The following SSH2 variants were observed in gnomAD, a reference collection of about 807,000 sequenced individuals.
SSH2 encodes the protein protein phosphatase Slingshot homolog 2.
Under a neutral mutation model 135.2 loss-of-function variants are expected in SSH2, and 37 were observed. The ratio of observed to expected loss-of-function variants is 0.27; its 90% confidence interval spans 0.21 to 0.36. The LOEUF is 0.36. Ranked by LOEUF, SSH2 falls within the 10% of genes least tolerant of loss-of-function variation. The pLI is 1.00. For missense variants in SSH2, 1,408 were observed against 1,765.3 expected (o/e 0.80, Z 3.63); for synonymous variants, 628 against 646.2 (o/e 0.97, Z 0.43).
At chr17:29,635,182 G>A (rs975578493) in intron 15 of SSH2, among the ~76,000 whole-genome samples, 10 of 152,116 alleles carry the variant, frequency 6.6e-5, no homozygotes, top group East Asian at 3.9e-4. Flanking sequence ...GATTACAGGC[G>A]TGAGCCACCG....
At chr17:29,648,408 G>A in intron 13 of SSH2, 64 bp from the exon 14 acceptor site, 1 of 1,397,330 alleles carries the variant, frequency 7.2e-7, no homozygotes, top group Non-Finnish European at 9.6e-7. Flanking sequence ...TTTAAAAGTT[G>A]GTTTCTAGAT....
intron 3 of SSH2, among the ~76,000 whole-genome samples, chr17:29,755,068 C>CA (rs2041069855): frequency 6.6e-6 from 1 of 152,218 alleles, no homozygotes; most frequent in Admixed American, 6.5e-5. Context: ...ATAATGATAA[C>CA]ACTAACACCT....
intron 1 of SSH2, among the ~76,000 whole-genome samples, chr17:29,927,821 TA>T (rs1474396599): frequency 1.3e-5 from 2 of 152,308 alleles, no homozygotes; most frequent in East Asian, 3.9e-4. Context: ...GGGCCAAGTA[TA>T]AACAACTGAA....
intron 11 of SSH2, among the ~76,000 whole-genome samples, chr17:29,666,511 C>T (rs997835231): frequency 2.0e-5 from 3 of 152,116 alleles, no homozygotes; most frequent in East Asian, 1.9e-4. Flanking sequence ...GGCAAAACCC[C>T]GTCTCTACTA....
At chr17:29,647,313 C>T (rs1235118291) in intron 14 of SSH2, among the ~76,000 whole-genome samples, 2 of 150,586 alleles carry the variant, frequency 1.3e-5, no homozygotes, top group African/African-American at 2.4e-5. Context: ...GACTGTGCCA[C>T]TGCACTCCAG....
intron 2 of SSH2, among the ~76,000 whole-genome samples, chr17:29,804,220 G>A (rs577323693): frequency 6.6e-6 from 1 of 152,252 alleles, no homozygotes; most frequent in Non-Finnish European, 1.5e-5. Context: ...TTATGACAGG[G>A]TTTAAGAAAC....
intron 3 of SSH2, among the ~76,000 whole-genome samples, chr17:29,741,730 C>A (rs182542012): frequency 2.0e-5 from 3 of 151,280 alleles, no homozygotes; most frequent in Admixed American, 2.0e-4. Flanking sequence ...ATTCTCCTGC[C>A]TCAGCCTGTG....
chr17:29,909,021 G>A (rs889095045), intron 1 of SSH2, among the ~76,000 whole-genome samples: 2 of 151,900 alleles, frequency 1.3e-5, no homozygotes, highest in African/African-American at 4.8e-5. Flanking sequence ...AGCTTGCAGT[G>A]AGCCGAGATC....
At chr17:29,865,442 C>T (rs1313284581) in intron 1 of SSH2, among the ~76,000 whole-genome samples, 1 of 152,334 alleles carries the variant, frequency 6.6e-6, no homozygotes, top group East Asian at 1.9e-4. Context: ...ACTTGGGATT[C>T]AACCTCTTCC....
chr17:29,630,569 T>G lies in SSH2; in HGVS notation c.*272A>C. ...CTGACTGAAAAACAGCAATTTGCCT[T>G]TGATAAAGGTGTTCTCTGAAAATGA... On this transcript the variant is annotated 3_prime_UTR_variant, in exon 16 of 16. Transcript: ENST00000540801. 4.1e-6 allele frequency: 1 copy of G among 246,158 alleles called. No individual in the cohort carries two copies. The highest frequency in any genetic ancestry group is 7.7e-6 in the Non-Finnish European group (1 of 130,414). 15.2% of individuals were successfully genotyped at this position (246,158 alleles called of 1,614,324 possible). A position where few individuals can be genotyped will look rare whatever the true frequency, so the allele number is the denominator to read the frequency against.
intron 6 of SSH2, among the ~76,000 whole-genome samples, chr17:29,682,372 A>G (rs1484952957): frequency 3.3e-5 from 5 of 152,222 alleles, no homozygotes; most frequent in Admixed American, 6.5e-5. Context: ...AGAATGGAAA[A>G]TGTTCTATAC....
chr17:29,695,069 G>C (rs1228597918), intron 5 of SSH2, among the ~76,000 whole-genome samples: 1 of 152,020 alleles, frequency 6.6e-6, no homozygotes, highest in Non-Finnish European at 1.5e-5. Flanking sequence ...TCAATCTTTG[G>C]CCATTTCACT....
chr17:29,845,031 C>T (rs1225524102), intron 2 of SSH2, among the ~76,000 whole-genome samples: 1 of 151,988 alleles, frequency 6.6e-6, no homozygotes, highest in Non-Finnish European at 1.5e-5. Context: ...GGCCCCTACT[C>T]CCCTGGGCCC....
intron 15 of SSH2, among the ~76,000 whole-genome samples, chr17:29,633,345 T>C (rs189010347): frequency 5.6e-4 from 85 of 152,380 alleles, no homozygotes; most frequent in Non-Finnish European, 1.1e-3. Flanking sequence ...AGTTTGATCC[T>C]AACCTATCTG....
At chr17:29,855,737 C>A (rs2065650764) in intron 1 of SSH2, 1 of 156,604 alleles carries the variant, frequency 6.4e-6, no homozygotes, top group Admixed American at 6.5e-5. Context: ...TATTTCAATT[C>A]TTTCCTGTAT....
At position 29,930,091 on chromosome 17, in the gene SSH2, C is replaced by CG; in HGVS notation, c.-92dup. ...CGGAGCCGGGATGGGGAAAGGGGTG[C>CG]GGGGTGGGGGTGAAGGGAACGGGGA... On this transcript the variant is annotated 5_prime_UTR_variant, in exon 1 of 16. Transcript: ENST00000540801. 2.6e-5 allele frequency: 3 copies of CG among 115,310 alleles called. No homozygotes were observed. Among genetic ancestry groups the CG allele is most frequent in the South Asian group, 1.7e-4 (3 of 17,356 alleles). The allele number at this position is 115,310 out of a possible 1,614,324, so 7.1% of individuals were successfully genotyped here. A position where few individuals can be genotyped will look rare whatever the true frequency, so the allele number is the denominator to read the frequency against.
chr17:29,844,680 G>A (rs570038674), intron 2 of SSH2, among the ~76,000 whole-genome samples: 1 of 152,354 alleles, frequency 6.6e-6, no homozygotes, highest in East Asian at 1.9e-4. Context: ...GGGGCAGACA[G>A]ATCCTCTCCC....
chr17:29,736,558 C>T (rs1314333640), intron 3 of SSH2, among the ~76,000 whole-genome samples: 1 of 151,998 alleles, frequency 6.6e-6, no homozygotes, highest in East Asian at 1.9e-4. Context: ...GAGGCCAAGG[C>T]GGGTGGATCA....
rs191378091 is a variant in SSH2 at position 29,726,289 on chromosome 17, C to T, written c.189-23227G>A. 2.6e-3 allele frequency among the ~76,000 whole-genome samples: 403 copies of T among 152,208 alleles called. 2 individuals are homozygous for T. The highest frequency in any genetic ancestry group is 9.4e-3 in the African/African-American group (392 of 41,518). On this transcript the variant is annotated intron_variant, in intron 3 of 15. Coordinates refer to ENST00000540801, the MANE Select transcript of SSH2 (RefSeq NM_001282129.2). Reference sequence around the variant, plus strand: ...GGAGCAGCATGTGCAAAGGCCTGGTCAGAGGGACAGAACAACTTCAATCCT... The same window carrying T: ...GGAGCAGCATGTGCAAAGGCCTGGTTAGAGGGACAGAACAACTTCAATCCT...
Sources: gnomAD v4.1 joint callset for allele counts (sites outside exome capture counted in the v4.1 genomes callset) on GRCh38, gnomAD v4.1.1 for gene constraint, MANE v1.5 for transcripts, NCBI Gene and HGNC (gene_info 2026-07-23, HGNC 2026-07-21) for gene names.